DROSHA: variants seen among roughly 807,000 people sequenced by gnomAD.
The protein encoded by DROSHA is ribonuclease 3.
In DROSHA, 56 loss-of-function variants were observed where a neutral mutation model predicts 181.9. The observed-to-expected ratio is 0.31, with a 90% CI of 0.25 to 0.38. The LOEUF (loss-of-function observed/expected upper bound fraction) is 0.38, where lower values mean the gene tolerates loss of function less well. Among genes scored for constraint, DROSHA ranks in the 10% least tolerant of loss-of-function variants. DROSHA has a pLI of 1.00. For missense variants in DROSHA, 1,218 were observed against 1,743.5 expected, an observed-to-expected ratio of 0.70 and a Z score of 5.37; for synonymous variants, 524 against 591.2, an observed-to-expected ratio of 0.89 and a Z score of 1.65.
chr5:31,520,175 T>A (rs1561290188), intron 6 of DROSHA, among the ~76,000 whole-genome samples: 1 of 152,196 alleles, frequency 6.6e-6, no homozygotes, highest in Non-Finnish European at 1.5e-5. Flanking sequence ...AAATTATTTT[T>A]GTTTTCTTAG....
In DROSHA at chr5:31,465,072, C is replaced by T. The variant is rs553888975; in HGVS notation, c.2467-729G>A. ...GGAACTACCTTTTTCCTTGAGTGCA[C>T]CAACGGAGGAACACTTCAGTCAGCC... On this transcript the variant is annotated intron_variant, in intron 19 of 35. Coordinates refer to ENST00000344624, the MANE Select transcript of DROSHA (RefSeq NM_001382508.1). Among the ~76,000 whole-genome samples the T allele has an allele frequency of 2.0e-5, 3 of 152,042 alleles. No homozygotes were observed. The East Asian group carries it at 5.8e-4, about 29-fold the overall frequency.
intron 16 of DROSHA, among the ~76,000 whole-genome samples, chr5:31,477,683 T>C (rs1167224385): frequency 6.6e-6 from 1 of 152,226 alleles, no homozygotes; most frequent in East Asian, 1.9e-4. Flanking sequence ...GGCAGTAATA[T>C]AAGCAATGAG....
At chr5:31,446,590 A>G (rs1746328443) in intron 23 of DROSHA, among the ~76,000 whole-genome samples, 1 of 151,826 alleles carries the variant, frequency 6.6e-6, no homozygotes. Context: ...AGACAGATAA[A>G]TGGAAAGACA....
intron 23 of DROSHA, among the ~76,000 whole-genome samples, chr5:31,438,352 G>A (rs530022353): frequency 6.6e-6 from 1 of 152,214 alleles, no homozygotes; most frequent in East Asian, 1.9e-4. Flanking sequence ...AGACTTTCCT[G>A]CATGGGAGGC....
intron 13 of DROSHA, among the ~76,000 whole-genome samples, chr5:31,487,712 G>A (rs1264330271): frequency 6.6e-6 from 1 of 152,080 alleles, no homozygotes; most frequent in Non-Finnish European, 1.5e-5. Context: ...GCCATCTACT[G>A]GAAATCCTTT....
At chr5:31,471,392 G>C (rs1310846164) in intron 17 of DROSHA, among the ~76,000 whole-genome samples, 1 of 151,778 alleles carries the variant, frequency 6.6e-6, no homozygotes, top group African/African-American at 2.4e-5. Flanking sequence ...TAATTTAGAA[G>C]AAAAAAATTG....
intron 4 of DROSHA, among the ~76,000 whole-genome samples, chr5:31,527,330 C>T (rs529006789): frequency 2.0e-5 from 3 of 152,074 alleles, no homozygotes; most frequent in African/African-American, 7.2e-5. Context: ...ATTACCACCC[C>T]CCCTCTGCAA....
At chr5:31,437,323 CTTAATACAGCATAT>C in intron 23 of DROSHA, 25 bp from the exon 24 acceptor site, 1 of 1,550,558 alleles carries the variant, frequency 6.4e-7, no homozygotes, top group Non-Finnish European at 8.7e-7. Flanking sequence ...AAAAAGGTTA[CTTAATACAGCATAT>C]TAACACTCCC....
intron 5 of DROSHA, among the ~76,000 whole-genome samples, chr5:31,524,248 G>C (rs993055959): frequency 2.0e-5 from 3 of 152,138 alleles, no homozygotes; most frequent in Non-Finnish European, 2.9e-5. Context: ...TCAGTGCAGA[G>C]AATGACCACT....
At chr5:31,402,142 C>T (rs1205969488) in intron 35 of DROSHA, among the ~76,000 whole-genome samples, 1 of 152,280 alleles carries the variant, frequency 6.6e-6, no homozygotes, top group East Asian at 1.9e-4. Flanking sequence ...GCAAAAGTAA[C>T]TCAAGTAGAA....
At chr5:31,461,929 A>C (rs893935696) in intron 20 of DROSHA, among the ~76,000 whole-genome samples, 2 of 152,136 alleles carry the variant, frequency 1.3e-5, no homozygotes, top group Non-Finnish European at 2.9e-5. Context: ...TTAATATGTC[A>C]AAATAAACAG....
Position 31,466,285 on chromosome 5 carries a change from A to G in DROSHA, c.2367-4T>C, listed in dbSNP as rs1417143500. 6.2e-7 allele frequency: 1 copy of G among 1,613,534 alleles called. No homozygotes were observed. The highest frequency in any genetic ancestry group is 8.5e-7 in the Non-Finnish European group (1 of 1,179,546). On this transcript the variant is annotated splice_region_variant and splice_polypyrimidine_tract_variant and intron_variant, in intron 18 of 35. Coordinates refer to ENST00000344624, the MANE Select transcript of DROSHA (RefSeq NM_001382508.1). Reference sequence around the variant, plus strand: ...ACTCTTCCACAGTTTTTGGTACCTAAGGAAAAGGACAGGCAAACATCTCAG... The same window carrying G: ...ACTCTTCCACAGTTTTTGGTACCTAGGGAAAAGGACAGGCAAACATCTCAG...
intron 7 of DROSHA, 97 bp downstream of exon 7, chr5:31,515,357 C>A (rs1739160224): frequency 7.4e-6 from 8 of 1,085,374 alleles, no homozygotes; most frequent in Non-Finnish European, 9.3e-6. Flanking sequence ...TTTGTTAAAC[C>A]AGTGACTCCC....
chr5:31,521,307 C>T, intron 5 of DROSHA, 92 bp from the exon 6 acceptor site: 4 of 1,396,288 alleles, frequency 2.9e-6, no homozygotes, highest in Non-Finnish European at 4.0e-6. Flanking sequence ...ATAAATGGAC[C>T]ACATCTAGGA....
intron 30 of DROSHA, among the ~76,000 whole-genome samples, chr5:31,419,969 T>C (rs902496651): frequency 6.6e-6 from 1 of 151,600 alleles, no homozygotes; most frequent in Non-Finnish European, 1.5e-5. Context: ...TAAATGGTAA[T>C]CAAACTTAAT....
Position 31,526,342 on chromosome 5 carries a change from A to G in DROSHA, c.591T>C (p.Asn197=). 1 of 1,613,676 alleles carries G rather than the reference A, an allele frequency of 6.2e-7. No individual in the cohort carries two copies. The highest frequency in any genetic ancestry group is 8.5e-7 in the Non-Finnish European group (1 of 1,179,832). ...NNPSSFLPSA[N]NSSSPHFRHL... ...GTCTGAAATGAGGACTACTGCTGTT[A>G]TTAGCACTGGGCAGGAAAGAACTAG... Residue 197 remains asparagine, a synonymous_variant, in exon 5 of 36, where the codon AAT becomes AAC. Coordinates refer to ENST00000344624, the MANE Select transcript of DROSHA (RefSeq NM_001382508.1).
chr5:31,481,098 GT>G (rs150587149), intron 16 of DROSHA, among the ~76,000 whole-genome samples: 15,620 of 151,062 alleles, frequency 0.1, 1,023 homozygotes, highest in East Asian at 0.23. Context: ...ATATCAAAAT[GT>G]TTTTTTTTAA....
At chr5:31,505,445 GA>G (rs1373947633) in intron 10 of DROSHA, among the ~76,000 whole-genome samples, 1 of 152,160 alleles carries the variant, frequency 6.6e-6, no homozygotes, top group Non-Finnish European at 1.5e-5. Context: ...GAAAAGGAGA[GA>G]AGGCAGAAGG....
rs143550418 is a variant in DROSHA, at chr5:31,494,114, G to A, written c.1756-821C>T. On this transcript the variant is annotated intron_variant, in intron 12 of 35. Transcript: ENST00000344624. ...CTCCTAAGTAGCTGGGATTACAGGC[G>A]TGCACCACTATGCCAGGCTAATTTT... is the stretch of plus-strand genomic sequence containing the variant. Among the ~76,000 whole-genome samples the A allele has an allele frequency of 7.8e-4, 119 of 151,942 alleles. 3 individuals are homozygous for A. In the East Asian group the frequency reaches 0.019, roughly 24 times the overall value.
Sources: gnomAD v4.1 joint callset for allele counts (sites outside exome capture counted in the v4.1 genomes callset) on GRCh38, gnomAD v4.1.1 for gene constraint, MANE v1.5 for transcripts, NCBI Gene and HGNC (gene_info 2026-07-23, HGNC 2026-07-21) for gene names.